Variants in PKHD1 observed in about 807,000 individuals in gnomAD.
PKHD1 encodes the protein PKHD1 ciliary IPT domain containing fibrocystin/polyductin, also known as fibrocystin.
Under a neutral mutation model 412.0 loss-of-function variants are expected in PKHD1, and 291 were observed. The observed-to-expected ratio is 0.71, with a 90% CI of 0.64 to 0.78. The LOEUF (loss-of-function observed/expected upper bound fraction) is 0.78. Ranked by LOEUF, PKHD1 falls within the 30% of genes least tolerant of loss-of-function variation. PKHD1 has a pLI of 0.00. For missense variants in PKHD1, 4,825 were observed against 4,950.7 expected (o/e 0.97, Z 0.76); for synonymous variants, 1,777 against 1,821.5 (o/e 0.98, Z 0.62).
At chr6:51,984,242 T>C (rs1795941706) in intron 35 of PKHD1, among the ~76,000 whole-genome samples, 1 of 152,178 alleles carries the variant, frequency 6.6e-6, no homozygotes, top group African/African-American at 2.4e-5. Context: ...TCAATAAACC[T>C]GAAAGATTGC....
intron 35 of PKHD1, among the ~76,000 whole-genome samples, chr6:51,989,940 GA>G (rs1796775883): frequency 9.3e-6 from 1 of 107,424 alleles, no homozygotes; most frequent in Non-Finnish European, 1.9e-5. Context: ...AGGAAAGAAG[GA>G]AGGAAGAAAG....
intron 33 of PKHD1, among the ~76,000 whole-genome samples, chr6:52,019,242 G>A (rs906666312): frequency 3.3e-5 from 5 of 152,208 alleles, no homozygotes; most frequent in African/African-American, 4.8e-5. Context: ...ATCAAGGGCC[G>A]TGGGCTTAGA....
intron 27 of PKHD1, among the ~76,000 whole-genome samples, chr6:52,037,518 G>C (rs954155147): frequency 6.6e-6 from 1 of 152,080 alleles, no homozygotes; most frequent in Non-Finnish European, 1.5e-5. Context: ...TAGAAAAAAT[G>C]GGCTAAGGAG....
In PKHD1 at chr6:52,065,133, T is replaced by TTATA. The variant is rs369093047; in HGVS notation, c.881-87_881-84dup. The TTATA allele has an allele frequency of 9.8e-4, 130 of 132,230 alleles. 2 individuals are homozygous for TTATA. Among genetic ancestry groups the TTATA allele is most frequent in the African/African-American group, 1.4e-3 (22 of 15,950 alleles). The allele number at this position is 132,230 out of a possible 1,614,324, so 8.2% of individuals were successfully genotyped here. A position where few individuals can be genotyped will look rare whatever the true frequency, so the allele number is the denominator to read the frequency against. ...TATATGTGTGTGGGTATATGTATAATTATATATATATATATATATATATAT... is the reference window on the plus strand; with the variant it reads ...TATATGTGTGTGGGTATATGTATAATTATATATATATATATATATATATATATAT... On this transcript the variant is annotated intron_variant, in intron 12 of 66. Transcript: ENST00000371117.
chr6:51,953,936 G>T (rs954289226), intron 36 of PKHD1, among the ~76,000 whole-genome samples: 10 of 151,930 alleles, frequency 6.6e-5, no homozygotes, highest in African/African-American at 2.4e-4. Flanking sequence ...TCCCTCCCTC[G>T]CAATAGAAGG....
rs908055017 is a variant in PKHD1 at position 51,813,548 on chromosome 6, AT to A, written c.8302+17312del. ...TGTGAATATCTCTACTATTTCCTAC[AT>A]TTTTTTTTACTGGTAATATTTTGTG... On this transcript the variant is annotated intron_variant, in intron 52 of 66. Coordinates refer to ENST00000371117, the MANE Select transcript of PKHD1 (RefSeq NM_138694.4). Among the ~76,000 whole-genome samples, 13 of 151,118 alleles carry A rather than the reference AT, an allele frequency of 8.6e-5. No individual in the cohort carries two copies. In the East Asian group the frequency reaches 1.4e-3, roughly 16 times the overall value.
chr6:51,802,784 A>G lies in PKHD1; in HGVS notation c.8303-11411T>C, dbSNP rs183023518. On this transcript the variant is annotated intron_variant, in intron 52 of 66. Transcript: ENST00000371117. ...CCCATCAGGTCTTTTTTGAAAATAA[A>G]TCTTCTCTTTTTGTCTCTGCTTGAC... Among the ~76,000 whole-genome samples the G allele has an allele frequency of 2.2e-3, 333 of 151,368 alleles. 16 individuals carry two copies. The highest frequency in any genetic ancestry group is 7.3e-3 in the African/African-American group (300 of 40,824).
chr6:51,987,711 A>G (rs1432686265), intron 35 of PKHD1, among the ~76,000 whole-genome samples: 1 of 152,138 alleles, frequency 6.6e-6, no homozygotes, highest in African/African-American at 2.4e-5. Context: ...TCTCACAGGA[A>G]AGAAGTTCTT....
chr6:51,959,337 T>A (rs1352964453), intron 36 of PKHD1, among the ~76,000 whole-genome samples: 1 of 152,112 alleles, frequency 6.6e-6, no homozygotes, highest in Non-Finnish European at 1.5e-5. Context: ...CATTTGAAGA[T>A]GTGGTAGTAG....
intron 60 of PKHD1, among the ~76,000 whole-genome samples, chr6:51,729,428 C>T (rs1782978308): frequency 1.3e-5 from 2 of 152,136 alleles, no homozygotes; most frequent in African/African-American, 4.8e-5. Flanking sequence ...ATTATACATA[C>T]ACATTTTTTT....
Position 52,033,167 on chromosome 6 carries a change from T to G in PKHD1, c.3229-2A>C, listed in dbSNP as rs1057516872. 1 of 1,611,314 alleles carries G rather than the reference T, an allele frequency of 6.2e-7. No homozygotes were observed. Among genetic ancestry groups the G allele is most frequent in the Admixed American group, 1.7e-5 (1 of 60,012 alleles). ...ATTCACAATGCGTCCATCTTTCCCCTGAAAAATCAATTTTAAAAATTAAAC... is the reference window on the plus strand; with the variant it reads ...ATTCACAATGCGTCCATCTTTCCCCGGAAAAATCAATTTTAAAAATTAAAC... On this transcript the variant is annotated splice_acceptor_variant, in intron 28 of 66. Coordinates refer to ENST00000371117, the MANE Select transcript of PKHD1 (RefSeq NM_138694.4). LOFTEE classifies it high-confidence loss of function.
intron 43 of PKHD1, among the ~76,000 whole-genome samples, chr6:51,900,297 A>G (rs1239028462): frequency 1.3e-5 from 2 of 152,258 alleles, no homozygotes; most frequent in Admixed American, 6.5e-5. Context: ...TAACCAAAAC[A>G]GCATGGTACT....
chr6:51,628,562 G>A (rs1263419096), intron 65 of PKHD1, among the ~76,000 whole-genome samples: 3 of 152,110 alleles, frequency 2.0e-5, no homozygotes, highest in Admixed American at 6.6e-5. Flanking sequence ...CCTTTTGGTA[G>A]ACTGATTTAT....
chr6:51,622,962 T>C (rs1384623922), intron 66 of PKHD1: 2 of 152,180 alleles, frequency 1.3e-5, no homozygotes, highest in Non-Finnish European at 2.9e-5. Flanking sequence ...TATATCTACC[T>C]AATTGGGGCT....
chr6:52,018,658 T>C (rs1800923266), intron 33 of PKHD1, among the ~76,000 whole-genome samples: 1 of 152,030 alleles, frequency 6.6e-6, no homozygotes. Context: ...GGACTACAGG[T>C]GCACACCACC....
In PKHD1 at chr6:51,748,313, T is replaced by C. The variant is rs1785510980; in HGVS notation, c.9303A>G (p.Arg3101=). The C allele has an allele frequency of 6.2e-7, 1 of 1,614,018 alleles. No individual in the cohort carries two copies. The highest frequency in any genetic ancestry group is 8.5e-7 in the Non-Finnish European group (1 of 1,179,968). The change falls in exon 58 of 67, where the codon AGA becomes AGG. Residue 3101 remains arginine (R), a synonymous_variant. Transcript: ENST00000371117. ...TGTGGCCTCGGATGTGAAAGCCAAG[T>C]CTCTCTGATCCTGCCACAACGTTGC... ...LHGNVVAGSE[R]LGFHIRGHKC... is the part of the protein sequence containing the mutation.
rs756859994 is a variant in PKHD1 at position 51,619,212 on chromosome 6, G to A, written c.12094C>T (p.Pro4032Ser). The A allele has an allele frequency of 7.1e-5, 114 of 1,614,248 alleles. 2 individuals carry two copies. In the South Asian group the frequency reaches 1.1e-3, roughly 16 times the overall value. Residue 4032 changes from proline (P) to serine (S), a missense_variant, in exon 67 of 67, where the codon CCA (proline) becomes TCA (serine). Transcript: ENST00000371117. Reference sequence around the variant, plus strand: ...TGCTTACTCAGCCGACTTTGCCCTGGCAACTGCTGCCTCTCTTGTCTGAAG... The same window carrying A: ...TGCTTACTCAGCCGACTTTGCCCTGACAACTGCTGCCTCTCTTGTCTGAAG... ...PDFRQERQQLPGQSRLSKQSG... is the reference protein window; with the variant it reads ...PDFRQERQQLSGQSRLSKQSG...
At chr6:51,803,858 C>A (rs1257786033) in intron 52 of PKHD1, among the ~76,000 whole-genome samples, 2 of 151,278 alleles carry the variant, frequency 1.3e-5, no homozygotes, top group Non-Finnish European at 2.9e-5. Context: ...AGGTGCCCAT[C>A]ACCACGCCTG....
chr6:51,783,367 T>TA (rs1445278999), intron 53 of PKHD1, among the ~76,000 whole-genome samples: 2 of 149,150 alleles, frequency 1.3e-5, no homozygotes, highest in Non-Finnish European at 3.0e-5. Flanking sequence ...TAAAATTATA[T>TA]AAATTTATTA....
Sources: gnomAD v4.1 joint callset for allele counts (sites outside exome capture counted in the v4.1 genomes callset) on GRCh38, gnomAD v4.1.1 for gene constraint, MANE v1.5 for transcripts, NCBI Gene and HGNC (gene_info 2026-07-23, HGNC 2026-07-21) for gene names.